The following NPAS3 variants were observed in gnomAD, a reference collection of about 807,000 sequenced individuals.
NPAS3 encodes neuronal PAS domain protein 3.
In NPAS3, 14 loss-of-function variants were observed where a neutral mutation model predicts 73.1. The observed-to-expected ratio is 0.19, with a 90% CI of 0.13 to 0.30. NPAS3 has a LOEUF of 0.30. Ranked by LOEUF, NPAS3 falls within the 10% of genes least tolerant of loss-of-function variation. NPAS3 has a pLI of 1.00. For synonymous variants in NPAS3, 620 were observed against 541.5 expected, an observed-to-expected ratio of 1.14 and a Z score of -2.01; for missense variants, 1,096 against 1,250.0, an observed-to-expected ratio of 0.88 and a Z score of 1.86.
intron 2 of NPAS3, among the ~76,000 whole-genome samples, chr14:33,179,744 C>A (rs1323899872): frequency 6.6e-6 from 1 of 152,102 alleles, no homozygotes; most frequent in African/African-American, 2.4e-5. Flanking sequence ...CAATTCAGAA[C>A]TCTTGAAACA....
At chr14:33,165,964 G>C (rs1473116784) in intron 2 of NPAS3, among the ~76,000 whole-genome samples, 1 of 152,114 alleles carries the variant, frequency 6.6e-6, no homozygotes. Flanking sequence ...TAGAAGAATT[G>C]TCCTGCCTTC....
chr14:33,534,677 C>T (rs758714836), intron 4 of NPAS3, among the ~76,000 whole-genome samples: 1 of 152,122 alleles, frequency 6.6e-6, no homozygotes, highest in Non-Finnish European at 1.5e-5. Context: ...GTTATTTAAT[C>T]GCATTTTTTC....
chr14:33,773,145 C>T (rs531355318), intron 7 of NPAS3, among the ~76,000 whole-genome samples: 4 of 152,274 alleles, frequency 2.6e-5, no homozygotes, highest in South Asian at 2.1e-4. Flanking sequence ...AGAGCAGACG[C>T]GAGATCATAT....
At chr14:33,773,121 A>G (rs71419954) in intron 7 of NPAS3, among the ~76,000 whole-genome samples, 25,372 of 152,168 alleles carry the variant, frequency 0.17, 2,519 homozygotes, top group Admixed American at 0.24. Context: ...TTGCCAGTGG[A>G]GCCCCTGGGA....
chr14:33,700,618 C>T (rs369861482), intron 6 of NPAS3, among the ~76,000 whole-genome samples: 1 of 152,064 alleles, frequency 6.6e-6, no homozygotes, highest in Non-Finnish European at 1.5e-5. Flanking sequence ...GGATTTTATT[C>T]GTTCTTTGAT....
chr14:33,085,285 T>C (rs2041986021), intron 2 of NPAS3, among the ~76,000 whole-genome samples: 1 of 152,228 alleles, frequency 6.6e-6, no homozygotes, highest in Non-Finnish European at 1.5e-5. Context: ...TTATTTGTAG[T>C]CCACTTCACC....
At chr14:33,374,793 A>G (rs78731113) in intron 4 of NPAS3, among the ~76,000 whole-genome samples, 2,755 of 152,104 alleles carry the variant, frequency 0.018, 58 homozygotes, top group African/African-American at 0.054. Context: ...GACTAGTACA[A>G]TTCCAACATC....
intron 7 of NPAS3, among the ~76,000 whole-genome samples, chr14:33,769,745 ATTTTTTTTTTCTTTTTTTTTTTT>A (rs2062582492): frequency 9.7e-6 from 1 of 103,354 alleles, no homozygotes; most frequent in South Asian, 3.2e-4. Flanking sequence ...AAAGACTTGG[ATTTTTTTTTTCTTTTTTTTTTTT>A]TTTTTTTTTT....
intron 1 of NPAS3, among the ~76,000 whole-genome samples, chr14:33,050,268 T>C (rs2040656251): frequency 6.6e-6 from 1 of 152,214 alleles, no homozygotes; most frequent in Admixed American, 6.5e-5. Context: ...GTTTTTTTGT[T>C]TTTTGTTTTA....
intron 2 of NPAS3, among the ~76,000 whole-genome samples, chr14:33,092,179 T>G (rs1358582804): frequency 6.6e-6 from 1 of 152,270 alleles, no homozygotes; most frequent in African/African-American, 2.4e-5. Flanking sequence ...GGAAGTCAAA[T>G]TGTCCCTGTT....
Position 33,635,359 on chromosome 14 carries a change from A to T in NPAS3, c.559-40852A>T, listed in dbSNP as rs369390217. 4.2e-4 allele frequency among the ~76,000 whole-genome samples: 64 copies of T among 152,300 alleles called. 1 individual carries two copies. Among genetic ancestry groups the T allele is most frequent in the African/African-American group, 1.5e-3 (61 of 41,564 alleles). ...TGGAATTGGATGTGAGGAAGTAGAGATAAGAGGCTTAGATTGCTTTTTCCA... is the reference window on the plus strand; with the variant it reads ...TGGAATTGGATGTGAGGAAGTAGAGTTAAGAGGCTTAGATTGCTTTTTCCA... On this transcript the variant is annotated intron_variant, in intron 5 of 11. Transcript: ENST00000356141.
chr14:33,225,256 A>G lies in NPAS3; in HGVS notation c.385+9830A>G, dbSNP rs1299692239. Among the ~76,000 whole-genome samples the G allele has an allele frequency of 3.3e-5, 5 of 152,248 alleles. No individual in the cohort carries two copies. In the South Asian group the frequency reaches 6.2e-4, roughly 19 times the overall value. On this transcript the variant is annotated intron_variant, in intron 3 of 11. Coordinates refer to ENST00000356141, the Ensembl canonical transcript of NPAS3. ...GAACTATTGCCATAGAGAGTCATACATAAGTTTTCTTTAAAATTTATAAAT... is the reference window on the plus strand; with the variant it reads ...GAACTATTGCCATAGAGAGTCATACGTAAGTTTTCTTTAAAATTTATAAAT...
At chr14:33,329,947 A>G (rs2043905417) in intron 3 of NPAS3, among the ~76,000 whole-genome samples, 1 of 152,310 alleles carries the variant, frequency 6.6e-6, no homozygotes, top group Middle Eastern at 3.4e-3. Context: ...GCTTTGACAC[A>G]TATTAGGAAA....
At chr14:33,503,773 T>C (rs996552569) in intron 4 of NPAS3, among the ~76,000 whole-genome samples, 6 of 151,992 alleles carry the variant, frequency 3.9e-5, no homozygotes, top group African/African-American at 1.4e-4. Flanking sequence ...AGAAAATTAC[T>C]CCCAACCGAA....
intron 2 of NPAS3, among the ~76,000 whole-genome samples, chr14:33,160,637 T>A (rs1464639703): frequency 1.3e-5 from 2 of 149,106 alleles, no homozygotes; most frequent in Non-Finnish European, 3.0e-5. Context: ...ACTTAAAGTA[T>A]AATTAAAAAA....
At chr14:33,499,460 A>G (rs2139897976) in intron 4 of NPAS3, among the ~76,000 whole-genome samples, 1 of 152,020 alleles carries the variant, frequency 6.6e-6, no homozygotes, top group Non-Finnish European at 1.5e-5. Flanking sequence ...CTTAGAAATG[A>G]TATCTTGGCA....
chr14:33,567,331 C>T (rs2056007895), intron 5 of NPAS3, among the ~76,000 whole-genome samples: 1 of 152,172 alleles, frequency 6.6e-6, no homozygotes, highest in Non-Finnish European at 1.5e-5. Flanking sequence ...TCTCATGCGA[C>T]AAAAACCCAA....
chr14:33,738,846 T>C (rs2061588479), intron 7 of NPAS3, among the ~76,000 whole-genome samples: 1 of 152,218 alleles, frequency 6.6e-6, no homozygotes, highest in South Asian at 2.1e-4. Flanking sequence ...TCTGCCTTCT[T>C]GATTAGGTCT....
At chr14:33,581,005 T>G (rs1465076391) in intron 5 of NPAS3, among the ~76,000 whole-genome samples, 1 of 152,200 alleles carries the variant, frequency 6.6e-6, no homozygotes, top group African/African-American at 2.4e-5. Flanking sequence ...CAAACCTGAT[T>G]TTGTTTCTAC....
Sources: gnomAD v4.1 joint callset for allele counts (sites outside exome capture counted in the v4.1 genomes callset) on GRCh38, gnomAD v4.1.1 for gene constraint, MANE v1.5 for transcripts, NCBI Gene and HGNC (gene_info 2026-07-23, HGNC 2026-07-21) for gene names.